The following CLMN variants were observed in gnomAD, a reference collection of about 807,000 sequenced individuals.
CLMN encodes calmin (calponin-like, transmembrane).
In CLMN, 57 loss-of-function variants were observed where a neutral mutation model predicts 92.7. The ratio of observed to expected loss-of-function variants is 0.61; its 90% CI spans 0.50 to 0.77. CLMN has a LOEUF of 0.77. CLMN is among the 30% of genes least tolerant of loss of function. CLMN has a pLI of 0.00. For missense variants in CLMN, 1,158 were observed against 1,237.5 expected (o/e 0.94, Z 0.96); for synonymous variants, 466 against 470.6 (o/e 0.99, Z 0.13).
chr14:95,245,462 T>TGATGGATGGACG (rs752694486), intron 1 of CLMN, among the ~76,000 whole-genome samples: 2 of 149,156 alleles, frequency 1.3e-5, no homozygotes, highest in Non-Finnish European at 3.0e-5. Flanking sequence ...TACAGATGCG[T>TGATGGATGGACG]GATGGATGGA....
Position 95,297,811 on chromosome 14 carries a change from GCACACACACACACACA to G in CLMN, c.82+21884_82+21899del, listed in dbSNP as rs3219870. On this transcript the variant is annotated intron_variant, in intron 1 of 12. Coordinates refer to ENST00000298912, the MANE Select transcript of CLMN (RefSeq NM_024734.4). ...TTTTTGGCTATTATGAATATGGCAG[GCACACACACACACACA>G]CACACACACACACACACACACACAG... is the stretch of plus-strand genomic sequence containing the variant. Among the ~76,000 whole-genome samples, 8 of 145,020 alleles carry G rather than the reference GCACACACACACACACA, an allele frequency of 5.5e-5. No individual in the cohort carries two copies. The South Asian group carries it at 6.9e-4, about 12-fold the overall frequency.
In CLMN at chr14:95,183,362, G is replaced by A. The variant is rs564881328; in HGVS notation, c.*8202C>T. 1 of 152,358 alleles carries A rather than the reference G, an allele frequency of 6.6e-6. No homozygotes were observed. Among genetic ancestry groups the A allele is most frequent in the South Asian group, 2.1e-4 (1 of 4,830 alleles). 9.4% of individuals were successfully genotyped at this position (152,358 alleles called of 1,614,324 possible). Reference sequence around the variant, plus strand: ...CTATTGATTTTTGCTGGGGCTAAAGGAAGTGGTAGCTATTGCAAACAGAAT... The same window carrying A: ...CTATTGATTTTTGCTGGGGCTAAAGAAAGTGGTAGCTATTGCAAACAGAAT... On this transcript the variant is annotated 3_prime_UTR_variant, in exon 13 of 13. Transcript: ENST00000298912.
intron 7 of CLMN, among the ~76,000 whole-genome samples, chr14:95,210,205 C>T (rs1897157801): frequency 6.6e-6 from 1 of 152,092 alleles, no homozygotes; most frequent in Non-Finnish European, 1.5e-5. Flanking sequence ...GACTGCGCCA[C>T]CACGCCCAGC....
chr14:95,302,669 A>G (rs1056063827), intron 1 of CLMN, among the ~76,000 whole-genome samples: 2 of 152,196 alleles, frequency 1.3e-5, no homozygotes, highest in African/African-American at 4.8e-5. Flanking sequence ...CTTTACTAGT[A>G]TTGGGCATTT....
chr14:95,242,774 G>A lies in CLMN; in HGVS notation c.83-12641C>T, dbSNP rs1321811313. On this transcript the variant is annotated intron_variant, in intron 1 of 12. Transcript: ENST00000298912. Reference sequence around the variant, plus strand: ...AGTAGAGACAGGGTTTCACTATATAGGCCAAGATGGTCTCGAACTCCAGAC... The same window carrying A: ...AGTAGAGACAGGGTTTCACTATATAAGCCAAGATGGTCTCGAACTCCAGAC... Among the ~76,000 whole-genome samples, 10 of 150,414 alleles carry A rather than the reference G, an allele frequency of 6.6e-5. No homozygotes were observed. In the South Asian group the frequency reaches 1.7e-3, roughly 25 times the overall value.
chr14:95,301,640 C>T (rs72710146), intron 1 of CLMN, among the ~76,000 whole-genome samples: 1 of 152,346 alleles, frequency 6.6e-6, no homozygotes, highest in Non-Finnish European at 1.5e-5. Context: ...CAGGATGGAC[C>T]GGTCACCTTC....
intron 1 of CLMN, among the ~76,000 whole-genome samples, chr14:95,275,780 A>C (rs1256037190): frequency 1.3e-5 from 2 of 152,206 alleles, no homozygotes; most frequent in Admixed American, 1.3e-4. Flanking sequence ...CTCCTGCCTC[A>C]GCCTCCTGAG....
intron 1 of CLMN, among the ~76,000 whole-genome samples, chr14:95,268,797 T>A (rs1233237129): frequency 5.7e-5 from 5 of 87,140 alleles, no homozygotes; most frequent in Non-Finnish European, 9.2e-5. Flanking sequence ...TCTCTCTCTT[T>A]TTTTTTTTTT....
intron 9 of CLMN, 70 bp from the exon 10 acceptor site, chr14:95,196,764 G>A (rs1289511633): frequency 6.8e-7 from 1 of 1,475,776 alleles, no homozygotes; most frequent in Non-Finnish European, 9.2e-7. Context: ...ACATCACCCA[G>A]CAGTGCTCTG....
intron 1 of CLMN, among the ~76,000 whole-genome samples, chr14:95,240,999 T>C (rs1454477948): frequency 2.6e-5 from 4 of 152,114 alleles, no homozygotes; most frequent in Non-Finnish European, 5.9e-5. Context: ...AAAGGTGTGA[T>C]CTGTTGTGTT....
intron 1 of CLMN, among the ~76,000 whole-genome samples, chr14:95,313,206 CA>C (rs1411079932): frequency 2.0e-5 from 3 of 152,106 alleles, no homozygotes; most frequent in Non-Finnish European, 4.4e-5. Context: ...AACTCTGTCT[CA>C]AAAAAATAAA....
Position 95,259,690 on chromosome 14 carries a change from G to T in CLMN, c.83-29557C>A, listed in dbSNP as rs942903646. 6.6e-5 allele frequency among the ~76,000 whole-genome samples: 10 copies of T among 152,140 alleles called. No individual in the cohort carries two copies. The highest frequency in any genetic ancestry group is 2.2e-4 in the African/African-American group (9 of 41,422). ...CCAGCACAGGGCAGATACCTGTTCT[G>T]AACTATGGGCATCTGCTGTTGAGTT... On this transcript the variant is annotated intron_variant, in intron 1 of 12. Transcript: ENST00000298912. This position sits in a 1 kb window ranked among gnomAD's most constrained non-coding sequence, Gnocchi z 4.3.
At chr14:95,310,825 GGC>G (rs749491586) in intron 1 of CLMN, among the ~76,000 whole-genome samples, 11 of 152,236 alleles carry the variant, frequency 7.2e-5, no homozygotes, top group Admixed American at 1.3e-4. Context: ...TAAAGGGCGT[GGC>G]CTGTGGGCAA....
chr14:95,221,780 A>G lies in CLMN; in HGVS notation c.241-6T>C. On this transcript the variant is annotated splice_region_variant and splice_polypyrimidine_tract_variant and intron_variant, in intron 3 of 12. Transcript: ENST00000298912. ...GAGGATTTGTATTCGTGCAGCTATA[A>G]AACAGAACAGAACAAAACAAGCACA... is the stretch of plus-strand genomic sequence containing the variant. The G allele has an allele frequency of 1.2e-6, 2 of 1,614,016 alleles. No individual in the cohort carries two copies. The highest frequency in any genetic ancestry group is 1.7e-5 in the Admixed American group (1 of 60,002).
intron 1 of CLMN, among the ~76,000 whole-genome samples, chr14:95,269,503 A>T (rs1320519478): frequency 1.3e-5 from 2 of 152,254 alleles, no homozygotes. Context: ...TCACAGCTAA[A>T]AGGGCTTTCC....
chr14:95,204,969 ATAC>A (rs1423410885), intron 8 of CLMN, among the ~76,000 whole-genome samples: 1 of 152,194 alleles, frequency 6.6e-6, no homozygotes, highest in Non-Finnish European at 1.5e-5. Context: ...TTTTCTTCAT[ATAC>A]TAATTAGCCC....
intron 1 of CLMN, among the ~76,000 whole-genome samples, chr14:95,290,566 A>C (rs1900525356): frequency 6.6e-6 from 1 of 152,148 alleles, no homozygotes; most frequent in Non-Finnish European, 1.5e-5. Flanking sequence ...AACAAATATG[A>C]GGGCCCTCTA....
chr14:95,239,123 A>C (rs1038614260), intron 1 of CLMN, among the ~76,000 whole-genome samples: 6 of 152,344 alleles, frequency 3.9e-5, no homozygotes, highest in East Asian at 3.9e-4. Context: ...ATTCACCCAG[A>C]TGGGCAGGCC....
At chr14:95,205,305 A>G (rs889632311) in intron 8 of CLMN, among the ~76,000 whole-genome samples, 1 of 152,234 alleles carries the variant, frequency 6.6e-6, no homozygotes, top group African/African-American at 2.4e-5. Context: ...ATTACAAGAC[A>G]TGAAGAGGCA....
Sources: allele counts gnomAD v4.1 joint callset (sites outside exome capture counted in the v4.1 genomes callset), GRCh38; gene constraint gnomAD v4.1.1; non-coding constraint Gnocchi (gnomAD v3.1); transcripts MANE v1.5; gene names NCBI Gene and HGNC (gene_info 2026-07-23, HGNC 2026-07-21).